The following ENOX2 variants were observed in gnomAD, a reference collection of about 807,000 sequenced individuals.
The protein encoded by ENOX2 is ecto-NOX disulfide-thiol exchanger 2, also known as APK1 antigen.
ENOX2 carries 36 observed loss-of-function variants against 45.0 expected under a neutral mutation model. The ratio of observed to expected loss-of-function variants is 0.80; its 90% CI spans 0.61 to 1.06. The LOEUF (loss-of-function observed/expected upper bound fraction) is 1.06. ENOX2 is among the 50% of genes least tolerant of loss of function. The pLI is 0.00. For missense variants in ENOX2, 423 were observed against 462.5 expected, an observed-to-expected ratio of 0.91 and a Z score of 0.78; for synonymous variants, 174 against 152.3, an observed-to-expected ratio of 1.14 and a Z score of -1.05.
At chrX:130,790,206 G>A (rs769061115) in intron 2 of ENOX2, among the ~76,000 whole-genome samples, 1 of 112,505 alleles carries the variant, frequency 8.9e-6, no homozygotes, top group South Asian at 3.7e-4. Flanking sequence ...GTCCTTTTCG[G>A]AAGCACTAAG....
intron 5 of ENOX2, among the ~76,000 whole-genome samples, chrX:130,683,555 A>T (rs1415809821): frequency 1.8e-5 from 2 of 111,782 alleles, no homozygotes; most frequent in East Asian, 5.6e-4. Context: ...GGAGACGGAT[A>T]GCAGATGATA....
chrX:130,734,827 A>T (rs758900104), intron 3 of ENOX2, among the ~76,000 whole-genome samples: 3 of 112,064 alleles, frequency 2.7e-5, no homozygotes, highest in Non-Finnish European at 5.6e-5. Context: ...CTCTTCTGTG[A>T]TATCATTAAA....
At chrX:130,808,145 A>T (rs1309268254) in intron 2 of ENOX2, among the ~76,000 whole-genome samples, 1 of 112,527 alleles carries the variant, frequency 8.9e-6, no homozygotes, top group African/African-American at 3.2e-5. Flanking sequence ...TAGGTTCTTG[A>T]AATACAGCAG....
intron 3 of ENOX2, among the ~76,000 whole-genome samples, chrX:130,748,601 T>C (rs1301758516): frequency 8.9e-6 from 1 of 112,288 alleles, no homozygotes; most frequent in African/African-American, 3.2e-5. Flanking sequence ...AGCTAAATAA[T>C]TGATTCCATT....
intron 3 of ENOX2, among the ~76,000 whole-genome samples, chrX:130,762,271 G>A (rs192923029): frequency 1.0e-3 from 115 of 111,962 alleles, no homozygotes; most frequent in Non-Finnish European, 1.4e-3. Context: ...TTTTCATTCA[G>A]TTCAATGTGT....
intron 3 of ENOX2, among the ~76,000 whole-genome samples, chrX:130,723,142 A>G (rs777690918): frequency 8.9e-6 from 1 of 112,307 alleles, no homozygotes; most frequent in Non-Finnish European, 1.9e-5. Context: ...GGGGCAGGAC[A>G]TTGTTATTCA....
chrX:130,628,377 G>A (rs2035605719), intron 13 of ENOX2, among the ~76,000 whole-genome samples: 1 of 112,060 alleles, frequency 8.9e-6, no homozygotes, highest in Non-Finnish European at 1.9e-5. Flanking sequence ...GCTGGCATTT[G>A]AGGAGTCACT....
At chrX:130,653,986 A>T (rs1295978346) in intron 10 of ENOX2, among the ~76,000 whole-genome samples, 1 of 112,128 alleles carries the variant, frequency 8.9e-6, no homozygotes. Context: ...ATTGGATCAG[A>T]TTCTGCAGCT....
intron 2 of ENOX2, among the ~76,000 whole-genome samples, chrX:130,838,297 G>A (rs770434531): frequency 7.2e-5 from 8 of 111,814 alleles, no homozygotes; most frequent in Admixed American, 6.6e-4. Context: ...CAGGAGAATC[G>A]CTTGATCCAA....
intron 2 of ENOX2, among the ~76,000 whole-genome samples, chrX:130,869,546 C>T (rs1415289389): frequency 9.0e-6 from 1 of 111,158 alleles, no homozygotes; most frequent in African/African-American, 3.3e-5. Context: ...TTACATATAC[C>T]AACTCATTTA....
chrX:130,660,828 GA>G (rs1440243938), intron 9 of ENOX2, among the ~76,000 whole-genome samples: 1 of 112,180 alleles, frequency 8.9e-6, no homozygotes, highest in East Asian at 2.8e-4. Context: ...TTTCAACAAT[GA>G]ACTGTTAGTG....
At chrX:130,797,322 G>A (rs1438642079) in intron 2 of ENOX2, among the ~76,000 whole-genome samples, 2 of 111,539 alleles carry the variant, frequency 1.8e-5, no homozygotes, top group Admixed American at 1.9e-4. Flanking sequence ...GATCAGAAAA[G>A]ACCAAAACAC....
intron 3 of ENOX2, among the ~76,000 whole-genome samples, chrX:130,713,321 T>A (rs1417142119): frequency 8.9e-6 from 1 of 112,098 alleles, no homozygotes; most frequent in Non-Finnish European, 1.9e-5. Flanking sequence ...CTTTTGTAAT[T>A]TCAGGGTGGG....
chrX:130,795,976 T>C (rs1483156411), intron 2 of ENOX2, among the ~76,000 whole-genome samples: 1 of 110,241 alleles, frequency 9.1e-6, no homozygotes, highest in African/African-American at 3.3e-5. Context: ...TTCATTCTAA[T>C]ATGTGTGTGT....
rs187020930 is a variant in ENOX2, at chrX:130,624,058, A to G, written c.*1256T>C. On this transcript the variant is annotated 3_prime_UTR_variant, in exon 15 of 15. Transcript: ENST00000394363. ...GAGACTCAAGGGAGGGTATGCTTGC[A>G]TTATTATAAATACCACAACCACCAC... 1 of 111,056 alleles carries G rather than the reference A, an allele frequency of 9.0e-6. No homozygotes were observed. The highest frequency in any genetic ancestry group is 2.8e-4 in the East Asian group (1 of 3,538). 9.2% of individuals were successfully genotyped at this position (111,056 alleles called of 1,213,427 possible). A position where few individuals can be genotyped will look rare whatever the true frequency, so the allele number is the denominator to read the frequency against.
intron 3 of ENOX2, among the ~76,000 whole-genome samples, chrX:130,766,223 C>T (rs915000730): frequency 1.2e-4 from 13 of 111,464 alleles, no homozygotes; most frequent in African/African-American, 4.2e-4. Context: ...TATCTCTGAA[C>T]AAGCTAACTG....
Position 130,873,178 on chromosome X carries a change from A to G in ENOX2, c.-183+28506T>C, listed in dbSNP as rs774770761. On this transcript the variant is annotated intron_variant, in intron 2 of 14. Coordinates refer to ENST00000394363, the MANE Select transcript of ENOX2 (RefSeq NM_006375.4). ...AAAGGGCTAATATCCAGAATCTACAAGGAACTTAAACAAATTTACAGGAAA... is the reference window on the plus strand; with the variant it reads ...AAAGGGCTAATATCCAGAATCTACAGGGAACTTAAACAAATTTACAGGAAA... Among the ~76,000 whole-genome samples the G allele has an allele frequency of 7.3e-4, 82 of 112,057 alleles. 2 individuals carry two copies. The highest frequency in any genetic ancestry group is 2.5e-3 in the African/African-American group (78 of 30,818).
chrX:130,704,725 G>C (rs768914657), intron 3 of ENOX2, among the ~76,000 whole-genome samples: 1 of 112,083 alleles, frequency 8.9e-6, no homozygotes, highest in Non-Finnish European at 1.9e-5. Context: ...CATTATTTCT[G>C]AAATATTAGT....
At chrX:130,789,763 T>C (rs755631763) in intron 2 of ENOX2, among the ~76,000 whole-genome samples, 1 of 112,529 alleles carries the variant, frequency 8.9e-6, no homozygotes, top group East Asian at 2.8e-4. Context: ...AATTCAAAAC[T>C]TTTGGAAAAA....
Sources: gnomAD v4.1 joint callset for allele counts (sites outside exome capture counted in the v4.1 genomes callset) on GRCh38, gnomAD v4.1.1 for gene constraint, MANE v1.5 for transcripts, NCBI Gene and HGNC (gene_info 2026-07-23, HGNC 2026-07-21) for gene names.